PTP4A3: variants seen among roughly 807,000 people sequenced by gnomAD.
PTP4A3 encodes the protein protein tyrosine phosphatase type IVA 3.
Under a neutral mutation model 15.2 loss-of-function variants are expected in PTP4A3, and 9 were observed. The observed-to-expected ratio is 0.59, with a 90% CI of 0.36 to 1.03. PTP4A3 has a LOEUF of 1.03. PTP4A3 is among the 50% of genes least tolerant of loss of function. PTP4A3 has a pLI of 0.02. For synonymous variants in PTP4A3, 95 were observed against 102.0 expected (o/e 0.93, Z 0.41); for missense variants, 234 against 252.1 (o/e 0.93, Z 0.49).
rs146888819 is a variant in PTP4A3, at chr8:141,431,014, C to A, written c.492C>A (p.His164Gln). ...AGAGGCTGCGGTTCAAAGACCCACACACGCACAAGACCCGGTGCTGCGTTA... is the reference window on the plus strand; with the variant it reads ...AGAGGCTGCGGTTCAAAGACCCACAAACGCACAAGACCCGGTGCTGCGTTA... ...PKQRLRFKDP[H>Q]THKTRCCVM The change falls in exon 6 of 6, where the codon CAC (histidine) becomes CAA (glutamine). Residue 164 changes from histidine to glutamine, a missense_variant. Transcript: ENST00000521578. 483 of 1,613,320 alleles carry A rather than the reference C, an allele frequency of 3.0e-4. 1 individual carries two copies. The highest frequency in any genetic ancestry group is 1.7e-3 in the Middle Eastern group (10 of 6,056).
chr8:141,426,704 C>A (rs1267588947), intron 3 of PTP4A3: 2 of 977,658 alleles, frequency 2.0e-6, no homozygotes, highest in Admixed American at 1.2e-4. Context: ...GGAAGGCTTC[C>A]TGGAGGAGGG....
intron 1 of PTP4A3, among the ~76,000 whole-genome samples, chr8:141,417,815 AG>A (rs1222692592): frequency 6.6e-6 from 1 of 151,846 alleles, no homozygotes; most frequent in Non-Finnish European, 1.5e-5. Flanking sequence ...TTTAGGCGGC[AG>A]GTGTGGGAGC....
chr8:141,401,288 G>A (rs974894849), intron 1 of PTP4A3, among the ~76,000 whole-genome samples: 6 of 152,118 alleles, frequency 3.9e-5, no homozygotes, highest in Non-Finnish European at 5.9e-5. Context: ...ACGTCCTGTC[G>A]TTGAGGTGAC....
At chr8:141,394,737 G>T (rs557250856) in intron 1 of PTP4A3, among the ~76,000 whole-genome samples, 1 of 152,224 alleles carries the variant, frequency 6.6e-6, no homozygotes, top group African/African-American at 2.4e-5. Flanking sequence ...GGACCGGCTC[G>T]CAGGACCCAT....
intron 3 of PTP4A3, chr8:141,426,392 C>T: frequency 1.0e-6 from 1 of 971,520 alleles, no homozygotes; most frequent in Non-Finnish European, 1.2e-6. Context: ...TGGGCCGGGG[C>T]CCGGTGGAAC....
intron 1 of PTP4A3, among the ~76,000 whole-genome samples, chr8:141,411,757 C>T (rs1832876352): frequency 6.6e-6 from 1 of 152,232 alleles, no homozygotes; most frequent in Non-Finnish European, 1.5e-5. Context: ...GTCCCCGACC[C>T]CACGGGCCCT....
At chr8:141,411,339 A>G (rs2129943700) in intron 1 of PTP4A3, among the ~76,000 whole-genome samples, 1 of 152,336 alleles carries the variant, frequency 6.6e-6, no homozygotes. Context: ...GAGCTGGCTC[A>G]GAGAGGAAAG....
intron 1 of PTP4A3, among the ~76,000 whole-genome samples, chr8:141,398,488 T>A (rs1263089720): frequency 6.6e-6 from 1 of 152,052 alleles, no homozygotes; most frequent in Non-Finnish European, 1.5e-5. Context: ...AACCAGGGAA[T>A]GTTCTAGAGT....
intron 1 of PTP4A3, among the ~76,000 whole-genome samples, chr8:141,400,273 C>T (rs747070470): frequency 1.2e-4 from 18 of 144,506 alleles, no homozygotes; most frequent in Non-Finnish European, 2.5e-4. Context: ...CCACTGTGCC[C>T]GGCCCACATC....
At chr8:141,402,747 C>T (rs1053571754) in intron 1 of PTP4A3, among the ~76,000 whole-genome samples, 13 of 151,714 alleles carry the variant, frequency 8.6e-5, no homozygotes, top group Non-Finnish European at 1.0e-4. Context: ...CCCCTGCTTC[C>T]GCTTTCTCAT....
At chr8:141,408,332 A>G (rs1360593101) in intron 1 of PTP4A3, among the ~76,000 whole-genome samples, 2 of 152,244 alleles carry the variant, frequency 1.3e-5, no homozygotes, top group Non-Finnish European at 2.9e-5. Context: ...TAAGATGGCT[A>G]AAATGACTGG....
chr8:141,428,083 CAG>C (rs1452462650), intron 5 of PTP4A3, among the ~76,000 whole-genome samples: 7 of 152,122 alleles, frequency 4.6e-5, no homozygotes, highest in Admixed American at 4.6e-4. Flanking sequence ...CCTCCACAGA[CAG>C]AGCTCCTTCT....
intron 1 of PTP4A3, among the ~76,000 whole-genome samples, chr8:141,418,288 C>G (rs1833149907): frequency 6.6e-6 from 1 of 152,236 alleles, no homozygotes; most frequent in Admixed American, 6.5e-5. Flanking sequence ...ACAGGGGGCG[C>G]CCTGTCTGAA....
At chr8:141,417,362 G>A (rs1450871855) in intron 1 of PTP4A3, among the ~76,000 whole-genome samples, 1 of 152,178 alleles carries the variant, frequency 6.6e-6, no homozygotes, top group Non-Finnish European at 1.5e-5. Context: ...GGCACGGTGG[G>A]TGCTGAGTAA....
chr8:141,413,877 A>G (rs1287507096), intron 1 of PTP4A3, among the ~76,000 whole-genome samples: 1 of 145,000 alleles, frequency 6.9e-6, no homozygotes, highest in Non-Finnish European at 1.5e-5. Context: ...CGGTATGGAC[A>G]GGAGGACATG....
chr8:141,398,595 T>C (rs754163461), intron 1 of PTP4A3, among the ~76,000 whole-genome samples: 24 of 151,824 alleles, frequency 1.6e-4, no homozygotes, highest in Non-Finnish European at 2.8e-4. Context: ...ACCCTGGGAG[T>C]TGGAGGGTCT....
Position 141,430,922 on chromosome 8 carries a change from C to A in PTP4A3, c.405-5C>A, listed in dbSNP as rs374344486. ...TGATCTCTGTTCCTGTTCCCCTCTT[C>A]CCAGGAAGCGCCGCGGAGCCATCAA... is the stretch of plus-strand genomic sequence containing the variant. On this transcript the variant is annotated splice_region_variant and splice_polypyrimidine_tract_variant and intron_variant, in intron 5 of 5. Transcript: ENST00000521578. The A allele has an allele frequency of 6.2e-7, 1 of 1,612,892 alleles. No individual in the cohort carries two copies. Among genetic ancestry groups the A allele is most frequent in the Non-Finnish European group, 8.5e-7 (1 of 1,179,764 alleles).
At chr8:141,401,744 C>T (rs960539658) in intron 1 of PTP4A3, among the ~76,000 whole-genome samples, 75 of 152,230 alleles carry the variant, frequency 4.9e-4, no homozygotes, top group African/African-American at 1.7e-3. Context: ...CCCAGGATAG[C>T]ATGCGGGGGC....
At chr8:141,423,749 G>A (rs1446138803) in intron 2 of PTP4A3, among the ~76,000 whole-genome samples, 1 of 151,820 alleles carries the variant, frequency 6.6e-6, no homozygotes, top group East Asian at 1.9e-4. Context: ...CAAGATCAGG[G>A]TTCAGTGTGT....
Sources: allele counts gnomAD v4.1 joint callset (sites outside exome capture counted in the v4.1 genomes callset), GRCh38; gene constraint gnomAD v4.1.1; transcripts MANE v1.5; gene names NCBI Gene and HGNC (gene_info 2026-07-23, HGNC 2026-07-21).